The following ZNF184 variants were observed in gnomAD, a reference collection of about 807,000 sequenced individuals.
ZNF184 encodes zinc finger protein 184.
ZNF184 carries 16 observed loss-of-function variants against 54.4 expected under a neutral mutation model. That is an observed-to-expected ratio of 0.29 (90% CI 0.20 to 0.45). The LOEUF (loss-of-function observed/expected upper bound fraction) is 0.45. Ranked by LOEUF, ZNF184 falls within the 20% of genes least tolerant of loss-of-function variation. The pLI is 1.00. For synonymous variants in ZNF184, 254 were observed against 295.3 expected, an observed-to-expected ratio of 0.86 and a Z score of 1.43; for missense variants, 681 against 888.2, an observed-to-expected ratio of 0.77 and a Z score of 2.97.
chr6:27,443,330 G>T, the ZNF184 span, among the ~76,000 whole-genome samples: 1 of 152,070 alleles, frequency 6.6e-6, no homozygotes, highest in African/African-American at 2.4e-5. Context: ...GCTCCTCTAA[G>T]ACACCTGCTA....
the ZNF184 span, among the ~76,000 whole-genome samples, chr6:27,430,095 C>A: frequency 6.6e-6 from 1 of 152,202 alleles, no homozygotes; most frequent in Non-Finnish European, 1.5e-5. Context: ...AGATTTCCCT[C>A]AGCCTCAACT....
At chr6:27,430,055 AAG>A in the ZNF184 span, among the ~76,000 whole-genome samples, 1 of 152,224 alleles carries the variant, frequency 6.6e-6, no homozygotes, top group Non-Finnish European at 1.5e-5. Flanking sequence ...CTAGGAAGAT[AAG>A]AGTTAATTTA....
At chr6:27,424,527 C>G in the ZNF184 span, among the ~76,000 whole-genome samples, 1 of 152,154 alleles carries the variant, frequency 6.6e-6, no homozygotes, top group African/African-American at 2.4e-5. Context: ...CACCTCCCCA[C>G]CAGATTAGTT....
rs1046747953 is a variant in ZNF184 at position 27,472,539 on chromosome 6, A to G, written c.-139-106T>C. On this transcript the variant is annotated intron_variant, in intron 1 of 5. Coordinates refer to ENST00000683788, the MANE Select transcript of ZNF184 (RefSeq NM_001318891.2). This position sits in a 1 kb window ranked among gnomAD's most constrained non-coding sequence, Gnocchi z 4.8. ...CACAAGAGAAGTGCCCCAAGAGAGC[A>G]CTAGAGAGGTGTGTGGCACTCCGAT... 9.5e-6 allele frequency: 5 copies of G among 527,848 alleles called. No individual in the cohort carries two copies. The East Asian group carries it at 1.6e-4, about 17-fold the overall frequency. 32.7% of individuals were successfully genotyped at this position (527,848 alleles called of 1,614,324 possible). A position where few individuals can be genotyped will look rare whatever the true frequency, so the allele number is the denominator to read the frequency against.
the ZNF184 span, among the ~76,000 whole-genome samples, chr6:27,440,207 A>G: frequency 6.6e-6 from 1 of 152,152 alleles, no homozygotes; most frequent in Non-Finnish European, 1.5e-5. Flanking sequence ...TTTTTGTCTA[A>G]TTGATTTATG....
At chr6:27,454,492 C>G (rs928111075) in intron 5 of ZNF184, among the ~76,000 whole-genome samples, 1 of 152,136 alleles carries the variant, frequency 6.6e-6, no homozygotes, top group Non-Finnish European at 1.5e-5. Context: ...AGAAATGACA[C>G]CAAGGAAGGT....
At chr6:27,404,231 G>C in the ZNF184 span, 1 of 152,060 alleles carries the variant, frequency 6.6e-6, no homozygotes, top group Non-Finnish European at 1.5e-5. Context: ...CATTGTTTTA[G>C]AAGGAAAAAA....
the ZNF184 span, among the ~76,000 whole-genome samples, chr6:27,410,624 C>T: frequency 1.3e-5 from 2 of 152,218 alleles, no homozygotes; most frequent in East Asian, 1.9e-4. Context: ...CTCCCCTTCC[C>T]GGGTTCAAGT....
chr6:27,454,819 T>C (rs570558503), intron 5 of ZNF184, among the ~76,000 whole-genome samples: 5 of 152,224 alleles, frequency 3.3e-5, no homozygotes, highest in Non-Finnish European at 7.3e-5. Context: ...CTCCCTTTAC[T>C]ACAAACAAAG....
intron 3 of ZNF184, among the ~76,000 whole-genome samples, chr6:27,460,896 C>G (rs1762977709): frequency 6.6e-6 from 1 of 152,136 alleles, no homozygotes; most frequent in Non-Finnish European, 1.5e-5. Context: ...CCAGGGATGC[C>G]TAGATCCTTG....
the ZNF184 span, among the ~76,000 whole-genome samples, chr6:27,441,031 A>G: frequency 6.6e-6 from 1 of 151,972 alleles, no homozygotes; most frequent in Non-Finnish European, 1.5e-5. Context: ...AAAATAAATA[A>G]AATGAAAAAG....
chr6:27,410,166 T>A, the ZNF184 span, among the ~76,000 whole-genome samples: 12 of 152,236 alleles, frequency 7.9e-5, no homozygotes, highest in Admixed American at 5.2e-4. Context: ...AATGATGCAC[T>A]TTTCAGAACA....
chr6:27,433,893 TTCC>T, the ZNF184 span, among the ~76,000 whole-genome samples: 1 of 149,912 alleles, frequency 6.7e-6, no homozygotes, highest in Non-Finnish European at 1.5e-5. Context: ...CCTTCCTTCC[TTCC>T]TTTCTTTCTC....
downstream of ZNF184, among the ~76,000 whole-genome samples, chr6:27,445,964 T>A (rs1236674181): frequency 6.6e-6 from 1 of 152,162 alleles, no homozygotes; most frequent in African/African-American, 2.4e-5. Context: ...TGTGTGGCTG[T>A]TTTTAACTGC....
the ZNF184 span, among the ~76,000 whole-genome samples, chr6:27,427,575 T>C: frequency 1.3e-5 from 2 of 152,190 alleles, no homozygotes; most frequent in East Asian, 1.9e-4. Flanking sequence ...CTAATCTCTT[T>C]CTGCTGCAAC....
chr6:27,452,830 T>C lies in ZNF184; in HGVS notation c.729A>G (p.Thr243=). 1 of 1,613,880 alleles carries C rather than the reference T, an allele frequency of 6.2e-7. No homozygotes were observed. Among genetic ancestry groups the C allele is most frequent in the Non-Finnish European group, 8.5e-7 (1 of 1,179,948 alleles). Reference sequence around the variant, plus strand: ...ATTTGTAGGGTTTTTCTCCAGTATGTGTTCTCTGATGGCGAATAAGAGCTG... The same window carrying C: ...ATTTGTAGGGTTTTTCTCCAGTATGCGTTCTCTGATGGCGAATAAGAGCTG... ...YCSALIRHQR[T]HTGEKPYKCN... The change falls in exon 6 of 6, where the codon ACA becomes ACG. Residue 243 remains threonine, a synonymous_variant. Transcript: ENST00000683788. The surrounding 1 kb of genome is among the most constrained non-coding windows in gnomAD (Gnocchi z 5.5).
At chr6:27,448,938 T>G (rs1016208582), downstream of ZNF184, among the ~76,000 whole-genome samples, 3 of 152,346 alleles carry the variant, frequency 2.0e-5, no homozygotes, top group African/African-American at 7.2e-5. Flanking sequence ...TATAATAGGA[T>G]GTGAGCTCTG....
Position 27,466,490 on chromosome 6 carries a change from T to C in ZNF184, c.75+1363A>G, listed in dbSNP as rs150949649. On this transcript the variant is annotated intron_variant, in intron 3 of 5. Coordinates refer to ENST00000683788, the MANE Select transcript of ZNF184 (RefSeq NM_001318891.2). ...TGATAGTTTACCAAGATGTACCACA[T>C]TCTGGACAAAAAAACAAGTCTCCAT... Among the ~76,000 whole-genome samples, 69 of 152,244 alleles carry C rather than the reference T, an allele frequency of 4.5e-4. 1 individual carries two copies. Among genetic ancestry groups the C allele is most frequent in the African/African-American group, 1.6e-3 (65 of 41,550 alleles).
the ZNF184 span, among the ~76,000 whole-genome samples, chr6:27,422,931 T>C: frequency 2.0e-5 from 3 of 152,148 alleles, no homozygotes; most frequent in African/African-American, 7.2e-5. Context: ...GGGTTCATAA[T>C]CGAGATCCTA....
Sources: gnomAD v4.1 joint callset for allele counts (sites outside exome capture counted in the v4.1 genomes callset) on GRCh38, gnomAD v4.1.1 for gene constraint, Gnocchi (gnomAD v3.1) non-coding constraint, MANE v1.5 for transcripts, NCBI Gene and HGNC (gene_info 2026-07-23, HGNC 2026-07-21) for gene names.